Variants in DMD observed in about 807,000 individuals in gnomAD.
DMD encodes mutant dystrophin.
Under a neutral mutation model 330.1 loss-of-function variants are expected in DMD, and 63 were observed. The ratio of observed to expected loss-of-function variants is 0.19; its 90% CI spans 0.16 to 0.24. DMD has a LOEUF of 0.24. DMD is among the 10% of genes least tolerant of loss of function. The pLI, the probability that DMD is intolerant of heterozygous loss-of-function variation, is 1.00. For missense variants in DMD, 3,344 were observed against 2,684.1 expected (o/e 1.25, Z -5.43); for synonymous variants, 1,223 against 959.8 (o/e 1.27, Z -5.07).
chrX:32,411,648 C>T, intron 30 of DMD, 104 bp downstream of exon 30: 1 of 962,532 alleles, frequency 1.0e-6, no homozygotes. Flanking sequence ...ATCAAAACAA[C>T]CCCATGGAAA....
intron 48 of DMD, among the ~76,000 whole-genome samples, chrX:31,858,664 C>T (rs2952925): frequency 0.42 from 46,290 of 108,936 alleles, 7,775 homozygotes; most frequent in African/African-American, 0.58. Context: ...GTATTATATA[C>T]ATTATAGTTA....
chrX:31,779,685 TTGTGTGTGTGTGTG>T (rs34110475), intron 50 of DMD, among the ~76,000 whole-genome samples: 1 of 100,135 alleles, frequency 1.0e-5, no homozygotes, highest in African/African-American at 3.7e-5. Flanking sequence ...GATACACACA[TTGTGTGTGTGTGTG>T]TGTGTGTGTG....
At chrX:33,027,324 C>G (rs750075067) in intron 1 of DMD, among the ~76,000 whole-genome samples, 53 of 111,572 alleles carry the variant, frequency 4.8e-4, no homozygotes, top group Non-Finnish European at 9.0e-4. Flanking sequence ...AGCCAAATAA[C>G]GTGGGAATTC....
chrX:32,842,755 T>A (rs1156732155), intron 4 of DMD, among the ~76,000 whole-genome samples: 1 of 111,919 alleles, frequency 8.9e-6, no homozygotes, highest in Non-Finnish European at 1.9e-5. Flanking sequence ...CATGATCTAA[T>A]TCTTTTCTGT....
chrX:31,548,197 A>T (rs148293732), intron 55 of DMD, among the ~76,000 whole-genome samples: 38 of 111,868 alleles, frequency 3.4e-4, no homozygotes, highest in African/African-American at 1.2e-3. Flanking sequence ...GTGCCACTCA[A>T]TGGTTCATAG....
intron 19 of DMD, among the ~76,000 whole-genome samples, chrX:32,499,797 A>G (rs1440113874): frequency 9.0e-6 from 1 of 111,254 alleles, no homozygotes; most frequent in Non-Finnish European, 1.9e-5. Flanking sequence ...TCCCTCTGAA[A>G]TACACCTGAA....
At chrX:31,490,183 C>T (rs764238412) in intron 57 of DMD, among the ~76,000 whole-genome samples, 6 of 112,206 alleles carry the variant, frequency 5.3e-5, no homozygotes, top group South Asian at 7.4e-4. Context: ...TTTCCTCCAA[C>T]GCGGCTAAAA....
intron 7 of DMD, among the ~76,000 whole-genome samples, chrX:32,735,779 A>T (rs1331386199): frequency 8.9e-6 from 1 of 112,144 alleles, no homozygotes; most frequent in African/African-American, 3.2e-5. Flanking sequence ...CATGGATTAA[A>T]AACTTAAACG....
At chrX:31,350,622 TGTGTGTGTGTGAGAGA>T (rs1309032889) in intron 60 of DMD, among the ~76,000 whole-genome samples, 10 of 48,026 alleles carry the variant, frequency 2.1e-4, no homozygotes, top group Admixed American at 5.8e-4. Flanking sequence ...TGTGTGTGTG[TGTGTGTGTGTGAGAGA>T]GAGAGAGAGA....
At chrX:31,897,066 TC>T (rs1165724221) in intron 47 of DMD, among the ~76,000 whole-genome samples, 1 of 107,368 alleles carries the variant, frequency 9.3e-6, no homozygotes, top group Non-Finnish European at 1.9e-5. Context: ...ATGCTATCCC[TC>T]CCCCCTTCCC....
chrX:32,733,308 A>G (rs1319552178), intron 7 of DMD, among the ~76,000 whole-genome samples: 2 of 110,162 alleles, frequency 1.8e-5, no homozygotes, highest in African/African-American at 6.7e-5. Flanking sequence ...CCACACATTA[A>G]TAATGGGAGA....
intron 54 of DMD, among the ~76,000 whole-genome samples, chrX:31,628,942 A>ATATATATATATATATATATATG (rs1556765554): frequency 9.6e-6 from 1 of 104,117 alleles, no homozygotes; most frequent in Non-Finnish European, 2.0e-5. Flanking sequence ...ATATATATAT[A>ATATATATATATATATATATATG]AAATGCATGT....
chrX:31,351,725 C>CAAAAAAAAAAAAAAAAAAAAAA (rs3061693), intron 60 of DMD, among the ~76,000 whole-genome samples: 53 of 53,023 alleles, frequency 1.0e-3, no homozygotes, highest in African/African-American at 2.4e-3. Context: ...GACTCCATCT[C>CAAAAAAAAAAAAAAAAAAAAAA]AAAAAAAAAA....
rs768576191 is a variant in DMD, at chrX:31,513,919, A to C, written c.8218-6466T>G. 7.1e-5 allele frequency among the ~76,000 whole-genome samples: 8 copies of C among 112,114 alleles called. No individual in the cohort carries two copies. In the South Asian group the frequency reaches 1.5e-3, roughly 21 times the overall value. ...TAAAAATGCCCAGGTTCACACAGCT[A>C]ATAAATGCAGCAAGATTTAGAACCT... On this transcript the variant is annotated intron_variant, in intron 55 of 78. Transcript: ENST00000357033.
At chrX:32,452,822 T>G (rs1158319896) in intron 26 of DMD, among the ~76,000 whole-genome samples, 1 of 111,357 alleles carries the variant, frequency 9.0e-6, no homozygotes, top group Non-Finnish European at 1.9e-5. Context: ...AAAACCCGTT[T>G]GTTAACAGAT....
At chrX:33,122,992 A>G in intron 1 of DMD, among the ~76,000 whole-genome samples, 1 of 112,544 alleles carries the variant, frequency 8.9e-6, no homozygotes, top group East Asian at 2.8e-4. Flanking sequence ...GATAAACTGC[A>G]TATACCGCAG....
chrX:32,899,304 T>C (rs984880453), intron 2 of DMD, among the ~76,000 whole-genome samples: 9 of 111,999 alleles, frequency 8.0e-5, no homozygotes, highest in African/African-American at 2.9e-4. Context: ...ACTGTATTAT[T>C]TTATTTTATT....
intron 18 of DMD, chrX:32,516,936 A>T (rs1159799459): frequency 8.9e-6 from 1 of 111,883 alleles, no homozygotes; most frequent in Non-Finnish European, 1.9e-5. Context: ...ATAGCTTTCC[A>T]ATTTATAAGT....
At chrX:32,138,221 C>A (rs1389725633) in intron 44 of DMD, among the ~76,000 whole-genome samples, 1 of 110,232 alleles carries the variant, frequency 9.1e-6, no homozygotes, top group Non-Finnish European at 1.9e-5. Context: ...TACAGTGTAC[C>A]AATTCCTTTC....
Sources: allele counts gnomAD v4.1 joint callset (sites outside exome capture counted in the v4.1 genomes callset), GRCh38; gene constraint gnomAD v4.1.1; transcripts MANE v1.5; gene names NCBI Gene and HGNC (gene_info 2026-07-23, HGNC 2026-07-21).